DISC1: variants seen among roughly 807,000 people sequenced by gnomAD.
DISC1 encodes DISC1 scaffold protein.
In DISC1, 57 loss-of-function variants were observed where a neutral mutation model predicts 84.5. That is an observed-to-expected ratio of 0.67 (90% confidence interval 0.55 to 0.84). DISC1 has a LOEUF of 0.84. Ranked by LOEUF, DISC1 falls within the 40% of genes least tolerant of loss-of-function variation. The pLI, the probability that DISC1 is intolerant of heterozygous loss-of-function variation, is 0.00. For synonymous variants in DISC1, 411 were observed against 415.2 expected, an observed-to-expected ratio of 0.99 and a Z score of 0.12; for missense variants, 1,000 against 1,057.8, an observed-to-expected ratio of 0.95 and a Z score of 0.76.
intron 6 of DISC1, among the ~76,000 whole-genome samples, chr1:231,777,775 A>G (rs763038228): frequency 3.3e-5 from 5 of 152,188 alleles, no homozygotes; most frequent in African/African-American, 4.8e-5. Context: ...ACTAATTTTA[A>G]TATCTCTGTT....
chr1:231,773,792 C>A (rs1362679357), intron 6 of DISC1, among the ~76,000 whole-genome samples: 12 of 152,194 alleles, frequency 7.9e-5, no homozygotes, highest in Admixed American at 7.9e-4. Flanking sequence ...GCACTGCTGT[C>A]TGTGGGGTCC....
Position 231,872,784 on chromosome 1 carries a change from C to T in DISC1, c.1981+54267C>T, listed in dbSNP as rs925026993. 9.8e-4 allele frequency among the ~76,000 whole-genome samples: 149 copies of T among 152,270 alleles called. 1 individual carries two copies. The highest frequency in any genetic ancestry group is 2.1e-4 in the South Asian group (1 of 4,826). On this transcript the variant is annotated intron_variant, in intron 9 of 12. Coordinates refer to ENST00000439617, the MANE Select transcript of DISC1 (RefSeq NM_018662.3). The stretch of plus-strand genomic sequence containing the variant: ...ATTCTCGTTAAATTACTCATCCACC[C>T]AACTCATTTTCCATACATGATCTAT...
intron 8 of DISC1, among the ~76,000 whole-genome samples, chr1:231,816,064 C>A (rs958541579): frequency 2.7e-4 from 41 of 152,104 alleles, no homozygotes; most frequent in African/African-American, 8.0e-4. Flanking sequence ...TTGAAGGGAC[C>A]ATTTTACATG....
At chr1:231,898,553 A>G (rs992037783) in intron 9 of DISC1, among the ~76,000 whole-genome samples, 1 of 152,380 alleles carries the variant, frequency 6.6e-6, no homozygotes, top group African/African-American at 2.4e-5. Flanking sequence ...AAGTAAACAG[A>G]ACACCATAAA....
At chr1:231,960,002 G>A (rs10158776) in intron 10 of DISC1, among the ~76,000 whole-genome samples, 1 of 152,060 alleles carries the variant, frequency 6.6e-6, no homozygotes, top group African/African-American at 2.4e-5. Context: ...GGCAGCCAGT[G>A]GTAGCCATAA....
intron 1 of DISC1, among the ~76,000 whole-genome samples, chr1:231,671,773 C>T (rs2062642960): frequency 6.6e-6 from 1 of 152,124 alleles, no homozygotes; most frequent in South Asian, 2.1e-4. Context: ...AGTTGCTAGC[C>T]ATGTGAGGTT....
At chr1:231,841,262 T>G (rs2083037601) in intron 9 of DISC1, among the ~76,000 whole-genome samples, 3 of 152,236 alleles carry the variant, frequency 2.0e-5, no homozygotes, top group African/African-American at 7.2e-5. Context: ...TCTCTATTAG[T>G]GCATTATTAT....
At chr1:231,938,379 T>G (rs887308338) in intron 9 of DISC1, among the ~76,000 whole-genome samples, 24 of 152,100 alleles carry the variant, frequency 1.6e-4, no homozygotes, top group African/African-American at 5.8e-4. Flanking sequence ...CTGGATGACA[T>G]GCCACTGCAG....
At chr1:231,917,321 A>G (rs2089706299) in intron 9 of DISC1, among the ~76,000 whole-genome samples, 1 of 152,188 alleles carries the variant, frequency 6.6e-6, no homozygotes, top group African/African-American at 2.4e-5. Context: ...TGAGGAGTGT[A>G]TTTCATTCTC....
intron 9 of DISC1, among the ~76,000 whole-genome samples, chr1:231,928,587 G>A (rs962215597): frequency 1.3e-4 from 19 of 151,872 alleles, no homozygotes; most frequent in African/African-American, 4.4e-4. Context: ...TTTACTTCTC[G>A]TCCTCTGCTA....
intron 1 of DISC1, among the ~76,000 whole-genome samples, chr1:231,673,519 T>A: frequency 6.6e-6 from 1 of 152,152 alleles, no homozygotes. Context: ...TTAACTCTAG[T>A]TTGACCTGGT....
intron 9 of DISC1, among the ~76,000 whole-genome samples, chr1:231,819,858 G>A (rs1048265597): frequency 6.6e-6 from 1 of 152,102 alleles, no homozygotes; most frequent in Non-Finnish European, 1.5e-5. Context: ...GAATGAAGAG[G>A]AAGTGAACAA....
chr1:231,873,985 C>G (rs1195965431), intron 9 of DISC1, among the ~76,000 whole-genome samples: 2 of 151,790 alleles, frequency 1.3e-5, no homozygotes, highest in Non-Finnish European at 2.9e-5. Flanking sequence ...GTAGCTGGGA[C>G]TACAGGCATG....
chr1:232,012,879 G>C (rs1668154647), intron 11 of DISC1, among the ~76,000 whole-genome samples: 1 of 152,202 alleles, frequency 6.6e-6, no homozygotes, highest in African/African-American at 2.4e-5. Context: ...GAGGAAGTCA[G>C]CAACAGGGCT....
intron 10 of DISC1, among the ~76,000 whole-genome samples, chr1:232,000,161 T>G (rs1319384039): frequency 6.6e-6 from 1 of 152,120 alleles, no homozygotes. Context: ...GTTGGAATTA[T>G]GTGACAAGAA....
chr1:231,723,207 G>A (rs1046818563), intron 3 of DISC1: 1 of 876,428 alleles, frequency 1.1e-6, no homozygotes, highest in African/African-American at 1.8e-5. Context: ...ATTCATGTTG[G>A]ATTAAGGATC....
intron 9 of DISC1, among the ~76,000 whole-genome samples, chr1:231,927,446 A>T (rs1217010281): frequency 6.6e-6 from 1 of 152,268 alleles, no homozygotes; most frequent in African/African-American, 2.4e-5. Flanking sequence ...CTGGTATCAA[A>T]TTCTGCCTTG....
At chr1:231,736,739 A>C (rs1029242574) in intron 3 of DISC1, among the ~76,000 whole-genome samples, 1 of 152,244 alleles carries the variant, frequency 6.6e-6, no homozygotes, top group African/African-American at 2.4e-5. Flanking sequence ...AGTGAATTTC[A>C]TTTATTGGCC....
chr1:231,987,130 T>C (rs1271449160), intron 10 of DISC1, among the ~76,000 whole-genome samples: 1 of 152,242 alleles, frequency 6.6e-6, no homozygotes, highest in Non-Finnish European at 1.5e-5. Context: ...TGTCAGCCTG[T>C]TTGCTCTCTG....
Sources: gnomAD v4.1 joint callset for allele counts (sites outside exome capture counted in the v4.1 genomes callset) on GRCh38, gnomAD v4.1.1 for gene constraint, MANE v1.5 for transcripts, NCBI Gene and HGNC (gene_info 2026-07-23, HGNC 2026-07-21) for gene names.